Variants in MICAL3 observed in about 807,000 individuals in gnomAD.
The protein encoded by MICAL3 is [F-actin]-monooxygenase MICAL3.
Under a neutral mutation model 207.4 loss-of-function variants are expected in MICAL3, and 62 were observed. That is an observed-to-expected ratio of 0.30 (90% CI 0.24 to 0.37). The LOEUF (loss-of-function observed/expected upper bound fraction) is 0.37. MICAL3 is among the 10% of genes least tolerant of loss of function. MICAL3 has a pLI of 1.00. For missense variants in MICAL3, 2,368 were observed against 2,635.6 expected (o/e 0.90, Z 2.22); for synonymous variants, 1,077 against 1,069.3 (o/e 1.01, Z -0.14).
At chr22:17,901,123 G>C in intron 5 of MICAL3, 126 bp from the exon 6 acceptor site, 2 of 847,694 alleles carry the variant, frequency 2.4e-6, no homozygotes, top group Non-Finnish European at 1.9e-6. Context: ...GGGAAAGTTA[G>C]GGCAGCTCTT....
At chr22:17,922,780 T>C (rs962266402) in intron 1 of MICAL3, among the ~76,000 whole-genome samples, 1 of 152,112 alleles carries the variant, frequency 6.6e-6, no homozygotes, top group African/African-American at 2.4e-5. Context: ...CAGTGTGTCT[T>C]GGTTCCAAGC....
At chr22:17,879,593 A>G (rs1788999381) in intron 16 of MICAL3, among the ~76,000 whole-genome samples, 1 of 152,194 alleles carries the variant, frequency 6.6e-6, no homozygotes, top group South Asian at 2.1e-4. Flanking sequence ...CTTTCTGCAC[A>G]GCCATTCCAC....
In MICAL3 at chr22:17,893,788, A is replaced by G. The variant is rs1453348794; in HGVS notation, c.1546+20T>C. The stretch of plus-strand genomic sequence containing the variant: ...CTGAAGGGGCTGCCTGCATTTTAAA[A>G]AGCCACCACCAGAACTCACCATTGC... On this transcript the variant is annotated intron_variant, in intron 11 of 31. Transcript: ENST00000441493. 2.6e-6 allele frequency: 4 copies of G among 1,537,296 alleles called. No individual in the cohort carries two copies. Among genetic ancestry groups the G allele is most frequent in the Middle Eastern group, 1.9e-4 (1 of 5,272 alleles).
chr22:18,020,612 G>GC (rs2031399001), intron 1 of MICAL3, among the ~76,000 whole-genome samples: 2 of 38,044 alleles, frequency 5.3e-5, no homozygotes, highest in East Asian at 1.4e-3. Context: ...CCTTTAAAAA[G>GC]TAAAAAAAAA....
At chr22:17,956,343 A>G (rs1388910902) in intron 1 of MICAL3, among the ~76,000 whole-genome samples, 1 of 152,210 alleles carries the variant, frequency 6.6e-6, no homozygotes, top group Non-Finnish European at 1.5e-5. Flanking sequence ...AGGTATGCCA[A>G]GCTTTGCACT....
intron 27 of MICAL3, among the ~76,000 whole-genome samples, chr22:17,812,063 T>C (rs980964174): frequency 6.6e-6 from 1 of 152,208 alleles, no homozygotes; most frequent in African/African-American, 2.4e-5. Flanking sequence ...AGAAAACTTT[T>C]ATAGACTTCA....
chr22:17,877,776 C>T (rs993232644), intron 16 of MICAL3, among the ~76,000 whole-genome samples: 1 of 152,092 alleles, frequency 6.6e-6, no homozygotes, highest in African/African-American at 2.4e-5. Flanking sequence ...CCCCTCTCTG[C>T]ACCACAGCCC....
In MICAL3 at chr22:17,788,240, G is replaced by T. The variant is rs2061801760; in HGVS notation, c.*2492C>A. 6.6e-6 allele frequency: 1 copy of T among 152,296 alleles called. No individual in the cohort carries two copies. Among genetic ancestry groups the T allele is most frequent in the Non-Finnish European group, 1.5e-5 (1 of 68,058 alleles). 9.4% of individuals were successfully genotyped at this position (152,296 alleles called of 1,614,324 possible). A position where few individuals can be genotyped will look rare whatever the true frequency, so the allele number is the denominator to read the frequency against. Reference sequence around the variant, plus strand: ...TCCTCACAGTCGGGAGCAGAAGGCTGGGGCGCAGGCCTGCGGCTCTGCGGC... The same window carrying T: ...TCCTCACAGTCGGGAGCAGAAGGCTTGGGCGCAGGCCTGCGGCTCTGCGGC... On this transcript the variant is annotated 3_prime_UTR_variant, in exon 32 of 32. Coordinates refer to ENST00000441493, the MANE Select transcript of MICAL3 (RefSeq NM_015241.3).
intron 28 of MICAL3, among the ~76,000 whole-genome samples, chr22:17,810,396 C>G (rs900450537): frequency 1.3e-5 from 2 of 151,974 alleles, no homozygotes; most frequent in South Asian, 4.2e-4. Context: ...CGGGGTTTTG[C>G]CATGTTGGCC....
chr22:17,894,394 T>TG (rs1930645633), intron 10 of MICAL3, among the ~76,000 whole-genome samples: 1 of 122,686 alleles, frequency 8.2e-6, no homozygotes, highest in African/African-American at 3.2e-5. Context: ...AGACTCTGTC[T>TG]CAAAAAAAAA....
chr22:17,877,839 T>C (rs1381847343), intron 16 of MICAL3, among the ~76,000 whole-genome samples: 1 of 152,062 alleles, frequency 6.6e-6, no homozygotes, highest in Non-Finnish European at 1.5e-5. Flanking sequence ...CATGCTCCCC[T>C]CCCTTCTTCT....
chr22:17,967,082 G>C (rs1025101590), intron 1 of MICAL3, among the ~76,000 whole-genome samples: 1 of 152,116 alleles, frequency 6.6e-6, no homozygotes, highest in Non-Finnish European at 1.5e-5. Context: ...CATGGACAAG[G>C]GCCACCATCC....
chr22:17,990,364 T>C (rs1467637148), intron 1 of MICAL3, among the ~76,000 whole-genome samples: 1 of 152,198 alleles, frequency 6.6e-6, no homozygotes, highest in Admixed American at 6.5e-5. Flanking sequence ...TGTCTCTGGA[T>C]GACAGGAAGC....
Position 17,817,549 on chromosome 22 carries a change from G to T in MICAL3, c.5112C>A (p.Ser1704=), listed in dbSNP as rs1276850245. ...TCTTCTCCTTCTTGTTTCTGCGGGG[G>T]GAGAAGAGTGACGACCTCTTCTTGC... The part of the protein sequence containing the change: ...GKSKKRSSLF[S]PRRNKKEKKS... The change falls in exon 26 of 32, where the codon TCC becomes TCA. Residue 1704 remains serine (S), a synonymous_variant. Coordinates refer to ENST00000441493, the MANE Select transcript of MICAL3 (RefSeq NM_015241.3). 4.3e-6 allele frequency: 7 copies of T among 1,613,362 alleles called. No individual in the cohort carries two copies. The highest frequency in any genetic ancestry group is 5.9e-6 in the Non-Finnish European group (7 of 1,179,808).
At chr22:17,877,057 AGGTT>A (rs1423871432) in intron 16 of MICAL3, among the ~76,000 whole-genome samples, 2 of 144,578 alleles carry the variant, frequency 1.4e-5, no homozygotes, top group Non-Finnish European at 1.5e-5. Flanking sequence ...GAGGTTAGGG[AGGTT>A]ATGGAGGTTA....
In MICAL3 at chr22:17,816,684, AC is replaced by A; in HGVS notation, c.5445+5del. The A allele has an allele frequency of 6.5e-7, 1 of 1,550,234 alleles. No individual in the cohort carries two copies. ...GCCCTGTGAAGCCCCCTGCCTGACTACCCACCTCTCGCCGGGACTTCTGTGA... is the reference window on the plus strand; with the variant it reads ...GCCCTGTGAAGCCCCCTGCCTGACTACCACCTCTCGCCGGGACTTCTGTGA... On this transcript the variant is annotated splice_donor_5th_base_variant and intron_variant, in intron 27 of 31. Coordinates refer to ENST00000441493, the MANE Select transcript of MICAL3 (RefSeq NM_015241.3).
rs1326204177 is a variant in MICAL3 at position 17,976,579 on chromosome 22, A to T, written c.-75+47702T>A. The stretch of plus-strand genomic sequence containing the variant: ...TGTGTGTGTATATATATATATATAT[A>T]TATATATATATTTTTTTTTTTTTTT... On this transcript the variant is annotated intron_variant, in intron 1 of 31. Coordinates refer to ENST00000441493, the MANE Select transcript of MICAL3 (RefSeq NM_015241.3). Among the ~76,000 whole-genome samples the T allele has an allele frequency of 8.9e-4, 85 of 95,190 alleles. 7 individuals carry two copies. Among genetic ancestry groups the T allele is most frequent in the African/African-American group, 1.8e-3 (35 of 18,948 alleles). The allele number at this position is 95,190 out of a possible 152,430, so 62.4% of individuals were successfully genotyped here. A position where few individuals can be genotyped will look rare whatever the true frequency, so the allele number is the denominator to read the frequency against.
chr22:17,904,928 A>G, intron 2 of MICAL3, 89 bp from the exon 3 acceptor site: 1 of 986,124 alleles, frequency 1.0e-6, no homozygotes, highest in Non-Finnish European at 1.6e-6. Context: ...TCACTCCCTA[A>G]AGCCCCGAAA....
chr22:17,808,782 C>T (rs1265670889), intron 29 of MICAL3, 62 bp downstream of exon 29: 32 of 1,411,170 alleles, frequency 2.3e-5, no homozygotes, highest in Non-Finnish European at 2.8e-5. Flanking sequence ...CAAAACTAGC[C>T]TACCACGGCG....
Sources: gnomAD v4.1 joint callset for allele counts (sites outside exome capture counted in the v4.1 genomes callset) on GRCh38, gnomAD v4.1.1 for gene constraint, MANE v1.5 for transcripts, NCBI Gene and HGNC (gene_info 2026-07-23, HGNC 2026-07-21) for gene names.